The following PPP2R2C variants were observed in gnomAD, a reference collection of about 807,000 sequenced individuals.
PPP2R2C encodes protein phosphatase 2, regulatory subunit B, gamma.
A neutral mutation model predicts 45.3 loss-of-function variants in PPP2R2C; 10 were observed. The observed-to-expected ratio is 0.22, with a 90% CI of 0.14 to 0.37. PPP2R2C has a LOEUF of 0.37. PPP2R2C is among the 10% of genes least tolerant of loss of function. The probability of loss-of-function intolerance (pLI) is 1.00; values close to 1 mark genes in which losing one functional copy is unlikely to be tolerated. For missense variants in PPP2R2C, 308 were observed against 619.7 expected, an observed-to-expected ratio of 0.50 and a Z score of 5.34; for synonymous variants, 257 against 245.4, an observed-to-expected ratio of 1.05 and a Z score of -0.44.
At chr4:6,533,819 G>A (rs543062834) in intron 2 of PPP2R2C, among the ~76,000 whole-genome samples, 3 of 152,184 alleles carry the variant, frequency 2.0e-5, no homozygotes, top group African/African-American at 7.2e-5. Flanking sequence ...CCGTCGACCC[G>A]GGTGGCCGTT....
intron 2 of PPP2R2C, among the ~76,000 whole-genome samples, chr4:6,531,441 G>A (rs1419307626): frequency 6.6e-6 from 1 of 152,224 alleles, no homozygotes; most frequent in Non-Finnish European, 1.5e-5. Flanking sequence ...TCCAGGAGAG[G>A]GCAGCTACAA....
chr4:6,400,405 A>G (rs1253268348), intron 1 of PPP2R2C, among the ~76,000 whole-genome samples: 3 of 152,232 alleles, frequency 2.0e-5, no homozygotes, highest in African/African-American at 7.2e-5. Context: ...TTATTTTTCA[A>G]TGAATTCATA....
chr4:6,373,700 G>C (rs370525078), intron 4 of PPP2R2C, among the ~76,000 whole-genome samples: 1 of 152,178 alleles, frequency 6.6e-6, no homozygotes, highest in South Asian at 2.1e-4. Context: ...TGACAGCCTC[G>C]GTGCTGCAGT....
At chr4:6,475,352 G>T (rs1354277235), upstream of PPP2R2C, among the ~76,000 whole-genome samples, 1 of 152,194 alleles carries the variant, frequency 6.6e-6, no homozygotes, top group Non-Finnish European at 1.5e-5. Context: ...CACAGCGTAA[G>T]CCTGCTTGGG....
intron 1 of PPP2R2C, chr4:6,414,070 C>CTGTGTTTGTGTGTGTG: frequency 8.3e-7 from 1 of 1,202,262 alleles, no homozygotes; most frequent in Non-Finnish European, 1.1e-6. Context: ...TAAGTTTTGC[C>CTGTGTTTGTGTGTGTG]TGTGTATGTG....
intron 1 of PPP2R2C, chr4:6,383,438 T>C (rs1338797172): frequency 2.3e-6 from 3 of 1,288,968 alleles, no homozygotes; most frequent in African/African-American, 1.5e-5. Context: ...GCTCTCCACC[T>C]GCTTATTCCC....
intron 1 of PPP2R2C, among the ~76,000 whole-genome samples, chr4:6,414,923 C>T (rs1398066582): frequency 6.6e-6 from 1 of 152,244 alleles, no homozygotes; most frequent in Admixed American, 6.5e-5. Flanking sequence ...GAACAGCCTG[C>T]TCCCCTTTCT....
Position 6,347,832 on chromosome 4 carries a change from G to T in PPP2R2C, c.790+14C>A. ...CCAATGCACAGCCCCCCACCCCCAG[G>T]CACCGGCACTTACGCTTGGAATGCT... On this transcript the variant is annotated intron_variant, in intron 6 of 8. Coordinates refer to ENST00000382599, the MANE Select transcript of PPP2R2C (RefSeq NM_020416.4). The T allele has an allele frequency of 6.3e-7, 1 of 1,585,226 alleles. No individual in the cohort carries two copies. Among genetic ancestry groups the T allele is most frequent in the Middle Eastern group, 1.7e-4 (1 of 5,924 alleles).
chr4:6,390,350 C>T (rs539221629), intron 1 of PPP2R2C, among the ~76,000 whole-genome samples: 1 of 152,308 alleles, frequency 6.6e-6, no homozygotes, highest in African/African-American at 2.4e-5. Context: ...AGGAAACTTC[C>T]AGACTGCCCT....
At chr4:6,460,814 A>G (rs1465727584) in intron 1 of PPP2R2C, among the ~76,000 whole-genome samples, 2 of 152,188 alleles carry the variant, frequency 1.3e-5, no homozygotes, top group African/African-American at 4.8e-5. Flanking sequence ...AAATACTTTC[A>G]AACAAAGGGA....
intron 3 of PPP2R2C, among the ~76,000 whole-genome samples, chr4:6,376,848 C>T (rs979867597): frequency 8.5e-5 from 13 of 152,216 alleles, no homozygotes; most frequent in African/African-American, 2.7e-4. Context: ...GAGGATCTCT[C>T]ATGCTCTGCT....
intron 1 of PPP2R2C, among the ~76,000 whole-genome samples, chr4:6,426,796 GGGCAGGTGA>G (rs1719357693): frequency 6.6e-6 from 1 of 152,132 alleles, no homozygotes; most frequent in South Asian, 2.1e-4. Flanking sequence ...TGAGCCACAG[GGGCAGGTGA>G]GGCTCTGCAG....
In PPP2R2C at chr4:6,324,371, T is replaced by C. The variant is rs896476058; in HGVS notation, c.1053-778A>G. On this transcript the variant is annotated intron_variant, in intron 8 of 8. Transcript: ENST00000382599. This position sits in a 1 kb window ranked among gnomAD's most constrained non-coding sequence, Gnocchi z 4.1. The stretch of plus-strand genomic sequence containing the variant: ...TGCTTGAATCCAGGAGGCAAGGTTG[T>C]AGTGAGCCAAGATCGCGCCACTGCA... 1.3e-5 allele frequency among the ~76,000 whole-genome samples: 2 copies of C among 151,958 alleles called. No homozygotes were observed. Among genetic ancestry groups the C allele is most frequent in the South Asian group, 4.2e-4 (2 of 4,810 alleles).
chr4:6,479,301 C>G (rs1722268754), intron 2 of PPP2R2C, among the ~76,000 whole-genome samples: 1 of 152,228 alleles, frequency 6.6e-6, no homozygotes, highest in African/African-American at 2.4e-5. Flanking sequence ...CAGGACCAAG[C>G]TTCCAGGTGG....
chr4:6,511,519 GTGGTGATGGTGGTGGTGGTGGTGGTGA>G (rs1560593811), intron 2 of PPP2R2C, among the ~76,000 whole-genome samples: 276 of 17,278 alleles, frequency 0.016, 31 homozygotes, highest in Non-Finnish European at 0.034. Flanking sequence ...GGTGGTGGTG[GTGGTGATGGTGGTGGTGGTGGTGGTGA>G]TGGTGGTGGT....
chr4:6,483,998 CAT>C (rs1286066958), intron 2 of PPP2R2C, among the ~76,000 whole-genome samples: 2 of 151,980 alleles, frequency 1.3e-5, no homozygotes, highest in Non-Finnish European at 2.9e-5. Context: ...TGGCTTCTTT[CAT>C]ACTACAATAG....
chr4:6,327,193 C>A (rs1174005015), intron 8 of PPP2R2C, among the ~76,000 whole-genome samples: 1 of 152,176 alleles, frequency 6.6e-6, no homozygotes, highest in African/African-American at 2.4e-5. Context: ...GTCATAGTAG[C>A]CCCCCAGGGC....
intron 1 of PPP2R2C, chr4:6,382,229 A>G (rs1715850244): frequency 8.3e-7 from 1 of 1,207,748 alleles, no homozygotes; most frequent in African/African-American, 1.6e-5. Context: ...AAAAGCTAGT[A>G]GGAGCCCGGG....
rs4688998 is a variant in PPP2R2C at position 6,375,807 on chromosome 4, A to G, written c.447+12T>C. The G allele has an allele frequency of 0.95, 1,511,525 of 1,592,542 alleles. 718,768 individuals are homozygous for G. The highest frequency in any genetic ancestry group is 1 in the East Asian group (44,624 of 44,628). ...AGAGGCGTGTGCCTGCTTCCCCCTC[A>G]CCGGAGCTCACCTGCAGTGACGTCA... On this transcript the variant is annotated intron_variant, in intron 4 of 8. Transcript: ENST00000382599.
Sources: allele counts gnomAD v4.1 joint callset (sites outside exome capture counted in the v4.1 genomes callset), GRCh38; gene constraint gnomAD v4.1.1; non-coding constraint Gnocchi (gnomAD v3.1); transcripts MANE v1.5; gene names NCBI Gene and HGNC (gene_info 2026-07-23, HGNC 2026-07-21).